PPP1CC: variants seen among roughly 807,000 people sequenced by gnomAD.
PPP1CC encodes the protein serine/threonine-protein phosphatase PP1-gamma catalytic subunit.
A neutral mutation model predicts 38.4 loss-of-function variants in PPP1CC; 16 were observed. The ratio of observed to expected loss-of-function variants is 0.42; its 90% CI spans 0.28 to 0.63. PPP1CC has a LOEUF of 0.63. PPP1CC is among the 30% of genes least tolerant of loss of function. The probability of loss-of-function intolerance (pLI) is 0.25; values close to 1 mark genes in which losing one functional copy is unlikely to be tolerated. For synonymous variants in PPP1CC, 158 were observed against 136.0 expected (o/e 1.16, Z -1.13); for missense variants, 170 against 391.3 (o/e 0.43, Z 4.77).
chr12:110,716,478 G>A (rs186000005), downstream of PPP1CC, among the ~76,000 whole-genome samples: 147 of 151,792 alleles, frequency 9.7e-4, 1 homozygote, highest in Middle Eastern at 3.4e-3. Flanking sequence ...TCAGCCTCCC[G>A]AGTAGCTGGG....
Position 110,742,586 on chromosome 12 carries a change from G to A in PPP1CC, c.55+67C>T, listed in dbSNP as rs552499167. ...ACCGGCCTCCCAACTCCCCTCCCTC[G>A]AGCCCCCGGGGCCGCCTGCCGCCCT... On this transcript the variant is annotated intron_variant, in intron 1 of 6. Transcript: ENST00000335007. The A allele has an allele frequency of 1.5e-3, 1,979 of 1,312,524 alleles. 4 individuals are homozygous for A. The highest frequency in any genetic ancestry group is 1.7e-3 in the Non-Finnish European group (1,754 of 1,005,990). 81.3% of individuals were successfully genotyped at this position (1,312,524 alleles called of 1,614,324 possible). A position where few individuals can be genotyped will look rare whatever the true frequency, so the allele number is the denominator to read the frequency against.
At position 110,720,162 on chromosome 12, in the gene PPP1CC, T is replaced by C. The variant is rs1463848247; in HGVS notation, c.*914A>G. On this transcript the variant is annotated 3_prime_UTR_variant, in exon 7 of 7. Coordinates refer to ENST00000335007, the MANE Select transcript of PPP1CC (RefSeq NM_002710.4). ...CTCGTATAGAACAGTATTGTTTCTA[T>C]AATTTGAAGCTTTCTGAATGGACGG... The C allele has an allele frequency of 1.9e-6, 3 of 1,555,758 alleles. No individual in the cohort carries two copies. Among genetic ancestry groups the C allele is most frequent in the African/African-American group, 2.7e-5 (2 of 74,076 alleles).
At chr12:110,730,133 C>G (rs1370838011) in intron 3 of PPP1CC, among the ~76,000 whole-genome samples, 1 of 152,238 alleles carries the variant, frequency 6.6e-6, no homozygotes, top group Non-Finnish European at 1.5e-5. Context: ...CCTAGGCGGG[C>G]AGATTCCTTG....
chr12:110,742,564 G>T, intron 1 of PPP1CC, 89 bp downstream of exon 1: 5 of 1,146,698 alleles, frequency 4.4e-6, no homozygotes, highest in Non-Finnish European at 5.8e-6. Context: ...AAGCCCAACC[G>T]GCCTCCCAAC....
Position 110,733,441 on chromosome 12 carries a change from G to C in PPP1CC, c.56-1540C>G, listed in dbSNP as rs981290304. On this transcript the variant is annotated intron_variant, in intron 1 of 6. Transcript: ENST00000335007. ...TGTTTTATGAATGCTATTGCAGTTA[G>C]TCAATGCCATCAGATGAAATCAATG... Among the ~76,000 whole-genome samples the C allele has an allele frequency of 2.0e-5, 3 of 152,096 alleles. No individual in the cohort carries two copies. In the East Asian group the frequency reaches 5.8e-4, roughly 29 times the overall value.
chr12:110,737,751 C>T (rs891979848), intron 1 of PPP1CC, among the ~76,000 whole-genome samples: 1 of 151,464 alleles, frequency 6.6e-6, no homozygotes, highest in African/African-American at 2.4e-5. Flanking sequence ...TAAAGAACAG[C>T]CTAGGCAACA....
At position 110,720,351 on chromosome 12, in the gene PPP1CC, G is replaced by A. The variant is rs760099726; in HGVS notation, c.*725C>T. The A allele has an allele frequency of 4.5e-6, 3 of 666,480 alleles. No homozygotes were observed. Among genetic ancestry groups the A allele is most frequent in the Admixed American group, 5.1e-5 (2 of 39,408 alleles). 41.3% of individuals were successfully genotyped at this position (666,480 alleles called of 1,614,324 possible). A position where few individuals can be genotyped will look rare whatever the true frequency, so the allele number is the denominator to read the frequency against. On this transcript the variant is annotated 3_prime_UTR_variant, in exon 7 of 7. Transcript: ENST00000335007. Reference sequence around the variant, plus strand: ...TTTTGAATCCCCAAGAAGGCAGCATGTGTATACAACCATACCACCTTGTAC... The same window carrying A: ...TTTTGAATCCCCAAGAAGGCAGCATATGTATACAACCATACCACCTTGTAC...
downstream of PPP1CC, among the ~76,000 whole-genome samples, chr12:110,717,945 T>C (rs1027335356): frequency 6.6e-6 from 1 of 152,228 alleles, no homozygotes; most frequent in Non-Finnish European, 1.5e-5. Flanking sequence ...GGTATCATGA[T>C]GCCTTAACTT....
At chr12:110,731,167 T>A (rs1265150339) in intron 2 of PPP1CC, among the ~76,000 whole-genome samples, 1 of 151,972 alleles carries the variant, frequency 6.6e-6, no homozygotes, top group African/African-American at 2.4e-5. Flanking sequence ...TGGCCCCATC[T>A]GAACAAAAGC....
chr12:110,722,718 AAATG>A lies in PPP1CC; in HGVS notation c.524-27_524-24del, dbSNP rs1566081764. On this transcript the variant is annotated intron_variant, in intron 4 of 6. Transcript: ENST00000335007. The surrounding 1 kb of genome is among the most constrained non-coding windows in gnomAD (Gnocchi z 5.4). ...AACCTATTCAATGAGGAAAAAAAAA[AAATG>A]AAGAAAGCAGAACTTTTAAAAGGAT... 6.4e-7 allele frequency: 1 copy of A among 1,567,220 alleles called. No homozygotes were observed. Among genetic ancestry groups the A allele is most frequent in the Non-Finnish European group, 8.6e-7 (1 of 1,157,998 alleles).
intron 1 of PPP1CC, among the ~76,000 whole-genome samples, 198 bp downstream of exon 1, chr12:110,742,455 C>G (rs1463384502): frequency 6.6e-6 from 1 of 152,166 alleles, no homozygotes; most frequent in Non-Finnish European, 1.5e-5. Context: ...CTGGAGGGTC[C>G]GCAGCTGGCG....
Position 110,742,683 on chromosome 12 carries a change from T to C in PPP1CC, c.25A>G (p.Ile9Val), listed in dbSNP as rs1458002299. The C allele has an allele frequency of 1.4e-6, 2 of 1,468,876 alleles. No individual in the cohort carries two copies. The highest frequency in any genetic ancestry group is 2.2e-5 in the Admixed American group (1 of 45,338). The allele number at this position is 1,468,876 out of a possible 1,614,324, so 91.0% of individuals were successfully genotyped here. MADLDKLN[I>V]DSIIQRLLEV... ...AGCAGCCGTTGGATAATGCTGTCGA[T>C]GTTGAGTTTATCTAAATCCGCCATC... The change falls in exon 1 of 7, where the codon ATC becomes GTC. Residue 9 changes from isoleucine (I) to valine (V), a missense_variant. Around this residue, in one of 3 missense-constraint regions of PPP1CC, gnomAD observed 30 missense variants for 23.0 expected, o/e 1.30. Transcript: ENST00000335007.
chr12:110,720,218 AC>A lies in PPP1CC; in HGVS notation c.*857del. ...GGCCTGATGCAACTGTAAAAAGATT[AC>A]TTAATGAATAGACTATATGGAAATT... On this transcript the variant is annotated 3_prime_UTR_variant, in exon 7 of 7. Transcript: ENST00000335007. The A allele has an allele frequency of 6.5e-7, 1 of 1,537,154 alleles. No homozygotes were observed. Among genetic ancestry groups the A allele is most frequent in the Non-Finnish European group, 8.7e-7 (1 of 1,144,598 alleles).
chr12:110,710,631 T>G, the PPP1CC span, among the ~76,000 whole-genome samples: 1 of 136,932 alleles, frequency 7.3e-6, no homozygotes, highest in Non-Finnish European at 1.5e-5. Flanking sequence ...GGCAGGAGAA[T>G]GGCATGAACC....
chr12:110,740,313 C>CGGT (rs1200581406), intron 1 of PPP1CC, among the ~76,000 whole-genome samples: 1 of 152,080 alleles, frequency 6.6e-6, no homozygotes, highest in Non-Finnish European at 1.5e-5. Context: ...AGGCCGGGCA[C>CGGT]GGTGGCTCAT....
intron 3 of PPP1CC, among the ~76,000 whole-genome samples, chr12:110,729,001 AG>A (rs1195987523): frequency 1.3e-5 from 2 of 152,204 alleles, no homozygotes; most frequent in African/African-American, 4.8e-5. Flanking sequence ...GGAGGGCCAC[AG>A]GGACAACCCT....
rs888830843 is a variant in PPP1CC, at chr12:110,721,023, A to G, written c.*53T>C. On this transcript the variant is annotated 3_prime_UTR_variant, in exon 7 of 7. Coordinates refer to ENST00000335007, the MANE Select transcript of PPP1CC (RefSeq NM_002710.4). ...AGTACACATTACAGTCTTAAAAATG[A>G]AGGTTATATACTCTATGTTACAAGT... 2.0e-6 allele frequency: 3 copies of G among 1,499,754 alleles called. No homozygotes were observed. In the African/African-American group the frequency reaches 4.1e-5, roughly 21 times the overall value. 92.9% of individuals were successfully genotyped at this position (1,499,754 alleles called of 1,614,324 possible). A position where few individuals can be genotyped will look rare whatever the true frequency, so the allele number is the denominator to read the frequency against.
Position 110,722,154 on chromosome 12 carries a change from G to A in PPP1CC, c.863C>T (p.Thr288Ile). 1.2e-6 allele frequency: 2 copies of A among 1,614,136 alleles called. No individual in the cohort carries two copies. Among genetic ancestry groups the A allele is most frequent in the Non-Finnish European group, 1.7e-6 (2 of 1,180,000 alleles). ...NAGAMMSVDE[T>I]LMCSFQILKP... is the part of the protein sequence containing the mutation. ...CTCTACCTGAAAAGAACACATTAGT[G>A]TTTCATCCACACTCATCATGGCACC... The change falls in exon 6 of 7, where the codon ACA becomes ATA. Residue 288 changes from threonine (T) to isoleucine (I), a missense_variant. By Grantham distance (89) the Thr-to-Ile change is moderately conservative. Around this residue, in one of 3 missense-constraint regions of PPP1CC, gnomAD observed 117 missense variants for 344.4 expected, o/e 0.34. Coordinates refer to ENST00000335007, the MANE Select transcript of PPP1CC (RefSeq NM_002710.4). The surrounding 1 kb of genome is among the most constrained non-coding windows in gnomAD (Gnocchi z 5.4).
intron 3 of PPP1CC, among the ~76,000 whole-genome samples, chr12:110,730,256 G>A (rs2069856888): frequency 6.6e-6 from 1 of 152,222 alleles, no homozygotes; most frequent in African/African-American, 2.4e-5. Context: ...CTACCTGGGA[G>A]GCTGAGGCAG....
Sources: gnomAD v4.1 joint callset for allele counts (sites outside exome capture counted in the v4.1 genomes callset) on GRCh38, gnomAD v4.1.1 for gene constraint, gnomAD v4.1.1 regional missense constraint, Gnocchi (gnomAD v3.1) non-coding constraint, MANE v1.5 for transcripts, NCBI Gene and HGNC (gene_info 2026-07-23, HGNC 2026-07-21) for gene names.